Variants in NLGN4Y observed in about 807,000 individuals in gnomAD.
NLGN4Y encodes neuroligin-4, Y-linked.
Under a neutral mutation model 8.4 loss-of-function variants are expected in NLGN4Y, and 4 were observed. The observed-to-expected ratio is 0.48, with a 90% CI of 0.23 to 1.09. The LOEUF is 1.09. Among genes scored for constraint, NLGN4Y ranks in the 50% least tolerant of loss-of-function variants. NLGN4Y has a pLI of 0.19. For missense variants in NLGN4Y, 90 were observed against 192.3 expected (o/e 0.47, Z 3.15); for synonymous variants, 35 against 75.6 (o/e 0.46, Z 2.78).
chrY:14,791,460 C>G, intron 4 of NLGN4Y, among the ~76,000 whole-genome samples: 1 of 33,189 alleles, frequency 3.0e-5, no homozygotes, highest in Admixed American at 2.8e-4. Flanking sequence ...GATTTGAACA[C>G]TGAAGGCATC....
chrY:14,620,919 G>A, intron 1 of NLGN4Y, among the ~76,000 whole-genome samples: 1 of 33,413 alleles, frequency 3.0e-5, no homozygotes, highest in African/African-American at 1.2e-4. Context: ...CTCAAATGTA[G>A]CCTTAGATTT....
At chrY:14,639,431 G>T in intron 2 of NLGN4Y, 1 of 156,300 alleles carries the variant, frequency 6.4e-6, no homozygotes, top group South Asian at 4.2e-5. Context: ...TCCTGGAACT[G>T]ATGTTAAACA....
At chrY:14,535,180 A>G in intron 1 of NLGN4Y, among the ~76,000 whole-genome samples, 1 of 33,429 alleles carries the variant, frequency 3.0e-5, no homozygotes, top group East Asian at 7.9e-4. Context: ...CAGTATTGCA[A>G]ATTTACCCAC....
intron 1 of NLGN4Y, among the ~76,000 whole-genome samples, chrY:14,618,948 G>A: frequency 5.9e-5 from 2 of 33,760 alleles, no homozygotes; most frequent in Admixed American, 2.7e-4. Context: ...AAAAAATGAA[G>A]GAATAAAAAA....
chrY:14,685,510 C>A (rs2080786543), intron 2 of NLGN4Y, among the ~76,000 whole-genome samples: 1 of 32,798 alleles, frequency 3.0e-5, no homozygotes, highest in African/African-American at 1.2e-4. Flanking sequence ...GGCGTGAACA[C>A]GAATATGCGA....
At chrY:14,742,314 C>T (rs2081008899) in intron 4 of NLGN4Y, among the ~76,000 whole-genome samples, 1 of 32,850 alleles carries the variant, frequency 3.0e-5, no homozygotes, top group East Asian at 8.0e-4. Flanking sequence ...TCTCTACCTA[C>T]GACAAAACCA....
rs764862164 is a variant in NLGN4Y, at chrY:14,843,961, G to A, written c.*2699G>A. The A allele has an allele frequency of 4.2e-5, 5 of 118,027 alleles. No homozygotes were observed. The East Asian group carries it at 7.9e-4, about 19-fold the overall frequency. The allele number at this position is 118,027 out of a possible 400,897, so 29.4% of individuals were successfully genotyped here. ...ATATCACACTATTTTCTAATGCTTT[G>A]TACAAACAATTATGCATCTGTTCTT... On this transcript the variant is annotated 3_prime_UTR_variant, in exon 7 of 7. Transcript: ENST00000684976.
chrY:14,765,007 C>A, intron 4 of NLGN4Y, among the ~76,000 whole-genome samples: 1 of 33,802 alleles, frequency 3.0e-5, no homozygotes. Context: ...TGTTATTATT[C>A]TTCTAACAAA....
intron 1 of NLGN4Y, among the ~76,000 whole-genome samples, chrY:14,579,689 G>T (rs2080309506): frequency 3.1e-5 from 1 of 32,740 alleles, no homozygotes; most frequent in Non-Finnish European, 7.5e-5. Context: ...TGCAGCCTGG[G>T]CAACAGAGCA....
intron 2 of NLGN4Y, among the ~76,000 whole-genome samples, chrY:14,678,226 A>T (rs1050382854): frequency 3.0e-5 from 1 of 33,362 alleles, no homozygotes; most frequent in African/African-American, 1.2e-4. Context: ...TATTATTTTT[A>T]AAAAGTTTAT....
intron 2 of NLGN4Y, among the ~76,000 whole-genome samples, chrY:14,683,064 A>C: frequency 3.0e-5 from 1 of 33,530 alleles, no homozygotes; most frequent in Non-Finnish European, 7.4e-5. Flanking sequence ...TTTTAATCCT[A>C]TGGTATAAAT....
In NLGN4Y at chrY:14,843,908, A is replaced by C; in HGVS notation, c.*2646A>C. 1.6e-5 allele frequency: 2 copies of C among 121,403 alleles called. No homozygotes were observed. Among genetic ancestry groups the C allele is most frequent in the Non-Finnish European group, 3.6e-5 (2 of 56,114 alleles). The allele number at this position is 121,403 out of a possible 400,897, so 30.3% of individuals were successfully genotyped here. On this transcript the variant is annotated 3_prime_UTR_variant, in exon 7 of 7. Transcript: ENST00000684976. ...ATATATGGCCAGACACATATGTATA[A>C]ACTTTTCAGCAGCATTTTAATAATA...
chrY:14,579,517 G>T, intron 1 of NLGN4Y, among the ~76,000 whole-genome samples: 1 of 32,510 alleles, frequency 3.1e-5, no homozygotes, highest in Non-Finnish European at 7.5e-5. Context: ...AGACCAGCCC[G>T]GGCAATATGG....
chrY:14,679,384 C>A (rs2080760897), intron 2 of NLGN4Y, among the ~76,000 whole-genome samples: 1 of 32,159 alleles, frequency 3.1e-5, no homozygotes, highest in Admixed American at 2.9e-4. Context: ...ATTGCTTGAG[C>A]CTAGGAGTTT....
At chrY:14,680,805 C>G in intron 2 of NLGN4Y, among the ~76,000 whole-genome samples, 1 of 32,927 alleles carries the variant, frequency 3.0e-5, no homozygotes, top group African/African-American at 1.2e-4. Flanking sequence ...ATAATTCAAG[C>G]AGGATTAAGT....
chrY:14,549,749 T>G, intron 1 of NLGN4Y, among the ~76,000 whole-genome samples: 1 of 28,749 alleles, frequency 3.5e-5, no homozygotes, highest in Non-Finnish European at 7.6e-5. Flanking sequence ...CGTGGGTCCA[T>G]GAAATCAGCT....
intron 1 of NLGN4Y, among the ~76,000 whole-genome samples, chrY:14,611,382 TTTTTTTTTC>T (rs2080467501): frequency 4.4e-5 from 1 of 22,549 alleles, no homozygotes; most frequent in African/African-American, 4.1e-4. Context: ...CTGATATCTT[TTTTTTTTTC>T]TTTTTTTTTT....
chrY:14,755,679 TA>T (rs2081054437), intron 4 of NLGN4Y, among the ~76,000 whole-genome samples: 1 of 32,349 alleles, frequency 3.1e-5, no homozygotes, highest in Non-Finnish European at 7.5e-5. Flanking sequence ...CTTTGAAAAA[TA>T]AAAATAAAAA....
intron 2 of NLGN4Y, among the ~76,000 whole-genome samples, chrY:14,637,690 G>T: frequency 3.0e-5 from 1 of 32,903 alleles, no homozygotes; most frequent in Non-Finnish European, 7.4e-5. Flanking sequence ...GAATGTACAA[G>T]AATTAACAGC....
Sources: allele counts gnomAD v4.1 joint callset (sites outside exome capture counted in the v4.1 genomes callset), GRCh38; gene constraint gnomAD v4.1.1; transcripts MANE v1.5; gene names NCBI Gene and HGNC (gene_info 2026-07-23, HGNC 2026-07-21).